Variants in GRHL1 observed in about 807,000 individuals in gnomAD.
The protein encoded by GRHL1 is grainyhead like transcription factor 1.
Under a neutral mutation model 75.7 loss-of-function variants are expected in GRHL1, and 38 were observed. The ratio of observed to expected loss-of-function variants is 0.50; its 90% CI spans 0.39 to 0.66. The LOEUF (loss-of-function observed/expected upper bound fraction) is 0.66. Ranked by LOEUF, GRHL1 falls within the 30% of genes least tolerant of loss-of-function variation. The pLI is 0.00. For missense variants in GRHL1, 589 were observed against 767.5 expected, an observed-to-expected ratio of 0.77 and a Z score of 2.75; for synonymous variants, 266 against 279.4, an observed-to-expected ratio of 0.95 and a Z score of 0.48.
At chr2:9,965,546 A>G in intron 8 of GRHL1, 165 bp downstream of exon 8, 1 of 583,436 alleles carries the variant, frequency 1.7e-6, no homozygotes, top group Non-Finnish European at 3.1e-6. Context: ...TCCAAAACAG[A>G]TCATTTTTGT....
chr2:9,965,422 A>G, intron 8 of GRHL1, 41 bp downstream of exon 8: 1 of 1,003,864 alleles, frequency 1.0e-6, no homozygotes. Flanking sequence ...CAGCCATTTG[A>G]GAAATGGGAG....
chr2:9,959,282 A>G (rs1197993257), intron 3 of GRHL1: 1 of 152,436 alleles, frequency 6.6e-6, no homozygotes, highest in East Asian at 1.9e-4. Context: ...TTTGTGAAAT[A>G]TTTTAGATTA....
At chr2:9,953,558 T>TGTA (rs1269577660) in intron 1 of GRHL1, among the ~76,000 whole-genome samples, 2 of 152,258 alleles carry the variant, frequency 1.3e-5, no homozygotes, top group Admixed American at 1.3e-4. Context: ...TCTTACCAAA[T>TGTA]GTAACGTTTA....
At position 9,992,213 on chromosome 2, in the gene GRHL1, A is replaced by G. The variant is rs1668675728; in HGVS notation, c.1461+67A>G. ...GCATGGCAAAAGGAAATTCTTTGGC[A>G]TTATTCATGGGAAACAGAAGCCAAA... On this transcript the variant is annotated intron_variant, in intron 11 of 15. Coordinates refer to ENST00000324907, the MANE Select transcript of GRHL1 (RefSeq NM_198182.3). This position sits in a 1 kb window ranked among gnomAD's most constrained non-coding sequence, Gnocchi z 4.6. The G allele has an allele frequency of 2.6e-6, 4 of 1,513,070 alleles. No individual in the cohort carries two copies. In the East Asian group the frequency reaches 6.8e-5, roughly 26 times the overall value. The allele number at this position is 1,513,070 out of a possible 1,614,324, so 93.7% of individuals were successfully genotyped here.
chr2:9,960,887 C>A, intron 3 of GRHL1, 159 bp from the exon 4 acceptor site: 1 of 561,132 alleles, frequency 1.8e-6, no homozygotes. Flanking sequence ...ACCAGAAAGC[C>A]TTTTTCCCTT....
chr2:9,951,778 G>A lies in GRHL1; in HGVS notation c.-56G>A. On this transcript the variant is annotated 5_prime_UTR_variant, in exon 1 of 16. Transcript: ENST00000324907. This position sits in a 1 kb window ranked among gnomAD's most constrained non-coding sequence, Gnocchi z 4.2. ...GCCGCCTCCTCCCCCCGGATCGGGT[G>A]TACTGTCCCAACCCGAAAGTCCAGT... 2 of 1,490,348 alleles carry A rather than the reference G, an allele frequency of 1.3e-6. No homozygotes were observed. Among genetic ancestry groups the A allele is most frequent in the Non-Finnish European group, 1.8e-6 (2 of 1,112,176 alleles). The allele number at this position is 1,490,348 out of a possible 1,614,324, so 92.3% of individuals were successfully genotyped here.
intron 9 of GRHL1, among the ~76,000 whole-genome samples, chr2:9,989,429 T>C (rs1191867928): frequency 6.6e-6 from 1 of 152,216 alleles, no homozygotes; most frequent in Non-Finnish European, 1.5e-5. Context: ...TTGGGCCGTG[T>C]TTGTTACTAA....
At chr2:9,976,551 T>C (rs1405987043) in intron 8 of GRHL1, among the ~76,000 whole-genome samples, 1 of 152,112 alleles carries the variant, frequency 6.6e-6, no homozygotes, top group Non-Finnish European at 1.5e-5. Context: ...GGAGGTTCTT[T>C]GAGGCTGTGT....
intron 8 of GRHL1, 151 bp downstream of exon 8, chr2:9,965,532 C>T (rs1572345646): frequency 1.7e-6 from 1 of 596,446 alleles, no homozygotes; most frequent in Non-Finnish European, 3.0e-6. Context: ...TTATTCTCCC[C>T]TCCTCCAAAA....
intron 8 of GRHL1, among the ~76,000 whole-genome samples, chr2:9,981,218 G>A (rs1461066932): frequency 2.6e-5 from 4 of 152,170 alleles, no homozygotes; most frequent in South Asian, 2.1e-4. Context: ...AAAGCTCCCC[G>A]GAAGCTGCAC....
intron 8 of GRHL1, among the ~76,000 whole-genome samples, chr2:9,974,403 C>T: frequency 6.6e-6 from 1 of 152,202 alleles, no homozygotes; most frequent in East Asian, 1.9e-4. Flanking sequence ...ACAGTTAAAT[C>T]CACCTACATT....
In GRHL1 at chr2:9,990,481, ATGT is replaced by A. The variant is rs1231486459; in HGVS notation, c.1270-210_1270-208del. On this transcript the variant is annotated intron_variant, in intron 9 of 15. Transcript: ENST00000324907. This position sits in a 1 kb window ranked among gnomAD's most constrained non-coding sequence, Gnocchi z 4.2. The stretch of plus-strand genomic sequence containing the variant: ...TTTGCTTTATTTGTTTTTCAAATAA[ATGT>A]TGTTCCCTGTGATTTCATAGAATTA... Among the ~76,000 whole-genome samples, 2 of 152,178 alleles carry A rather than the reference ATGT, an allele frequency of 1.3e-5. No individual in the cohort carries two copies. Among genetic ancestry groups the A allele is most frequent in the East Asian group, 1.9e-4 (1 of 5,190 alleles).
In GRHL1 at chr2:9,998,605, TATATACATATATATGTACAC is replaced by T. The variant is rs1470414149; in HGVS notation, c.1678-328_1678-309del. 7.4e-4 allele frequency among the ~76,000 whole-genome samples: 42 copies of T among 57,012 alleles called. 8 individuals carry two copies. The highest frequency in any genetic ancestry group is 2.2e-3 in the South Asian group (5 of 2,268). 37.4% of individuals were successfully genotyped at this position (57,012 alleles called of 152,430 possible). On this transcript the variant is annotated intron_variant, in intron 14 of 15. Transcript: ENST00000324907. The stretch of plus-strand genomic sequence containing the variant: ...ATGTACATATATATGTACACATATA[TATATACATATATATGTACAC>T]ATATACATATATATGTACACATATA...
chr2:9,980,228 G>A lies in GRHL1; in HGVS notation c.1111-5896G>A, dbSNP rs188258442. 2.3e-3 allele frequency among the ~76,000 whole-genome samples: 350 copies of A among 152,072 alleles called. 1 individual carries two copies. The highest frequency in any genetic ancestry group is 3.4e-3 in the Non-Finnish European group (232 of 67,976). ...GGACTAACTTGGCAGACGCAGCCAG[G>A]TGTGAACAGCGCTTATGTGGCTGCC... is the stretch of plus-strand genomic sequence containing the variant. On this transcript the variant is annotated intron_variant, in intron 8 of 15. Coordinates refer to ENST00000324907, the MANE Select transcript of GRHL1 (RefSeq NM_198182.3).
rs1229743095 is a variant in GRHL1, at chr2:9,992,045, C to T, written c.1360C>T (p.Arg454Ter). ...VKVPLLPSHK[R>*]MDITVFKPFI... ...AGTGCCACTGCTTCCCTCTCACAAG[C>T]GAATGGATATCACAGTTTTCAAACC... Residue 454 changes from arginine to a stop codon, truncating the protein, a stop_gained, in exon 11 of 16, where the codon CGA (arginine) becomes TGA (stop). Transcript: ENST00000324907. LOFTEE classifies it high-confidence loss of function. The surrounding 1 kb of genome is among the most constrained non-coding windows in gnomAD (Gnocchi z 4.6). The T allele has an allele frequency of 5.0e-6, 8 of 1,610,688 alleles. No homozygotes were observed. Among genetic ancestry groups the T allele is most frequent in the African/African-American group, 1.3e-5 (1 of 74,738 alleles).
At chr2:9,964,388 C>A in intron 7 of GRHL1, 42 bp downstream of exon 7, 1 of 1,039,212 alleles carries the variant, frequency 9.6e-7, no homozygotes, top group Non-Finnish European at 1.5e-6. Flanking sequence ...AGAGGTGCAG[C>A]CATCCAGTTT....
At chr2:9,996,024 ATC>A in intron 13 of GRHL1, 54 bp downstream of exon 13, 1 of 1,100,374 alleles carries the variant, frequency 9.1e-7, no homozygotes, top group East Asian at 2.3e-5. Flanking sequence ...TGAGTTCAGA[ATC>A]TATCAAAAGC....
At chr2:9,958,756 C>G (rs1453745134) in intron 2 of GRHL1, 30 bp from the exon 3 acceptor site, 2 of 1,573,906 alleles carry the variant, frequency 1.3e-6, no homozygotes, top group Admixed American at 1.7e-5. Context: ...TGGATAAGAG[C>G]TAAATTCTTT....
intron 9 of GRHL1, among the ~76,000 whole-genome samples, chr2:9,986,695 G>A (rs1668430251): frequency 6.6e-6 from 1 of 152,074 alleles, no homozygotes; most frequent in African/African-American, 2.4e-5. Flanking sequence ...TAGGATTACA[G>A]GTGTGAGCCA....
Sources: allele counts gnomAD v4.1 joint callset (sites outside exome capture counted in the v4.1 genomes callset), GRCh38; gene constraint gnomAD v4.1.1; non-coding constraint Gnocchi (gnomAD v3.1); transcripts MANE v1.5; gene names NCBI Gene and HGNC (gene_info 2026-07-23, HGNC 2026-07-21).